The following WDPCP variants were observed in gnomAD, a reference collection of about 807,000 sequenced individuals.
WDPCP encodes WD repeat-containing and planar cell polarity effector protein fritz homolog.
In WDPCP, 71 loss-of-function variants were observed where a neutral mutation model predicts 93.1. That is an observed-to-expected ratio of 0.76 (90% CI 0.63 to 0.93). The LOEUF is 0.93. WDPCP is among the 40% of genes least tolerant of loss of function. WDPCP has a pLI of 0.00. For synonymous variants in WDPCP, 315 were observed against 315.0 expected (o/e 1.00, Z 0.00); for missense variants, 844 against 887.4 (o/e 0.95, Z 0.62).
intron 1 of WDPCP, among the ~76,000 whole-genome samples, chr2:63,818,145 G>A (rs981001305): frequency 6.6e-6 from 1 of 152,178 alleles, no homozygotes; most frequent in Admixed American, 6.5e-5. Context: ...AACCAATGGG[G>A]CCAGGGCTGA....
chr2:63,663,622 G>T (rs565854688), intron 2 of WDPCP, among the ~76,000 whole-genome samples: 1 of 152,292 alleles, frequency 6.6e-6, no homozygotes, highest in African/African-American at 2.4e-5. Context: ...GATTTTGTAG[G>T]TGTGATTTAT....
At chr2:63,695,642 A>C (rs1014042747) in intron 2 of WDPCP, among the ~76,000 whole-genome samples, 2 of 152,052 alleles carry the variant, frequency 1.3e-5, no homozygotes, top group African/African-American at 4.8e-5. Context: ...CTCCTACTTA[A>C]ATTTTTTTAA....
At chr2:63,728,668 C>T (rs968675355) in intron 2 of WDPCP, among the ~76,000 whole-genome samples, 6 of 151,910 alleles carry the variant, frequency 3.9e-5, no homozygotes, top group Non-Finnish European at 8.8e-5. Flanking sequence ...TGCAGTTATC[C>T]CACTGCAAGT....
intron 13 of WDPCP, among the ~76,000 whole-genome samples, chr2:63,264,463 C>T (rs950907332): frequency 6.6e-6 from 1 of 152,080 alleles, no homozygotes; most frequent in Non-Finnish European, 1.5e-5. Context: ...CACAGTGAAA[C>T]CCCACTATGA....
intron 1 of WDPCP, among the ~76,000 whole-genome samples, chr2:63,824,673 A>T (rs533415860): frequency 2.0e-5 from 3 of 151,942 alleles, no homozygotes; most frequent in Non-Finnish European, 4.4e-5. Flanking sequence ...TATATTATAA[A>T]TTATAGGTTA....
chr2:63,822,263 C>G (rs918795909), intron 1 of WDPCP, among the ~76,000 whole-genome samples: 35 of 152,010 alleles, frequency 2.3e-4, no homozygotes, highest in Admixed American at 2.2e-3. Flanking sequence ...GTGACCGCAT[C>G]CTAACTAGAC....
chr2:63,378,407 C>G lies in WDPCP; in HGVS notation c.1727G>C (p.Arg576Thr). 6.2e-7 allele frequency: 1 copy of G among 1,613,126 alleles called. No homozygotes were observed. Among genetic ancestry groups the G allele is most frequent in the Non-Finnish European group, 8.5e-7 (1 of 1,179,392 alleles). Residue 576 changes from arginine to threonine, a missense_variant, in exon 12 of 18, where the codon AGA (arginine) becomes ACA (threonine). Coordinates refer to ENST00000272321, the MANE Select transcript of WDPCP (RefSeq NM_015910.7). ...YRDQISKYAR[R>T]FFHHLLRYQR... ...TCACCTGAGCAAGTGATGGAAGAATCTCCTTGCATATTTGCTGATTTGATC... is the reference window on the plus strand; with the variant it reads ...TCACCTGAGCAAGTGATGGAAGAATGTCCTTGCATATTTGCTGATTTGATC...
chr2:63,745,272 A>G (rs1192035475), intron 2 of WDPCP, among the ~76,000 whole-genome samples: 1 of 152,184 alleles, frequency 6.6e-6, no homozygotes, highest in Non-Finnish European at 1.5e-5. Flanking sequence ...TTTCTTAAAT[A>G]ACCTTAAGTT....
chr2:63,802,281 TAAAAAAAAAAAAAAA>T (rs58717654), intron 2 of WDPCP, among the ~76,000 whole-genome samples: 1,933 of 54,222 alleles, frequency 0.036, 54 homozygotes, highest in African/African-American at 0.11. Context: ...CCCTCTCTCT[TAAAAAAAAAAAAAAA>T]AAAAAAAAAA....
At chr2:63,500,454 G>GGTGGGTGT (rs1553412906) in intron 1 of WDPCP, among the ~76,000 whole-genome samples, 1 of 149,474 alleles carries the variant, frequency 6.7e-6, no homozygotes, top group Non-Finnish European at 1.5e-5. Context: ...ATGGTGTGGG[G>GGTGGGTGT]GTGTGTGTGT....
At chr2:63,342,194 G>A (rs1004279290) in intron 12 of WDPCP, among the ~76,000 whole-genome samples, 20 of 152,280 alleles carry the variant, frequency 1.3e-4, no homozygotes, top group African/African-American at 4.3e-4. Flanking sequence ...CAGAGCTCAA[G>A]TGGTAATGCT....
chr2:63,199,632 AG>A (rs1675736537), intron 14 of WDPCP, among the ~76,000 whole-genome samples: 1 of 152,198 alleles, frequency 6.6e-6, no homozygotes, highest in African/African-American at 2.4e-5. Flanking sequence ...TACATTTCAG[AG>A]GATGTATGGA....
At chr2:63,144,326 G>T (rs1396218656) in intron 17 of WDPCP, among the ~76,000 whole-genome samples, 4 of 151,792 alleles carry the variant, frequency 2.6e-5, no homozygotes, top group Non-Finnish European at 5.9e-5. Flanking sequence ...TGTCACCCAG[G>T]CTGGAGTGCA....
At chr2:63,474,547 T>C (rs1018603823) in intron 6 of WDPCP, among the ~76,000 whole-genome samples, 4 of 152,138 alleles carry the variant, frequency 2.6e-5, no homozygotes, top group African/African-American at 9.7e-5. Flanking sequence ...GTTAAATATT[T>C]GCTTATCTCC....
intron 2 of WDPCP, among the ~76,000 whole-genome samples, chr2:63,666,896 A>G (rs1311238009): frequency 3.9e-5 from 6 of 152,174 alleles, no homozygotes; most frequent in Non-Finnish European, 8.8e-5. Flanking sequence ...TCCCACCAAT[A>G]TAGCCCAACA....
chr2:63,533,783 C>T (rs1287020000), intron 1 of WDPCP, among the ~76,000 whole-genome samples: 1 of 152,164 alleles, frequency 6.6e-6, no homozygotes, highest in African/African-American at 2.4e-5. Context: ...GACACCCTAA[C>T]ATCACATTTA....
intron 6 of WDPCP, among the ~76,000 whole-genome samples, chr2:63,479,575 A>G (rs1468769967): frequency 1.3e-5 from 2 of 152,218 alleles, no homozygotes; most frequent in African/African-American, 2.4e-5. Flanking sequence ...ACAGAATTAA[A>G]AACAAAAATC....
At chr2:63,516,509 A>T (rs1262785359) in intron 1 of WDPCP, among the ~76,000 whole-genome samples, 1 of 152,106 alleles carries the variant, frequency 6.6e-6, no homozygotes, top group Non-Finnish European at 1.5e-5. Flanking sequence ...CTCTGACCAG[A>T]GTGAGAGGGG....
intron 13 of WDPCP, among the ~76,000 whole-genome samples, chr2:63,288,774 T>C (rs752233125): frequency 2.6e-5 from 4 of 152,188 alleles, no homozygotes; most frequent in African/African-American, 4.8e-5. Context: ...CAAATATCCA[T>C]TTCTTGATGC....
Sources: gnomAD v4.1 joint callset for allele counts (sites outside exome capture counted in the v4.1 genomes callset) on GRCh38, gnomAD v4.1.1 for gene constraint, MANE v1.5 for transcripts, NCBI Gene and HGNC (gene_info 2026-07-23, HGNC 2026-07-21) for gene names.